RFTN2: variants seen among roughly 807,000 people sequenced by gnomAD.
RFTN2 encodes the protein raftlin family member 2, also known as raftlin-2.
Under a neutral mutation model 52.7 loss-of-function variants are expected in RFTN2, and 34 were observed. That is an observed-to-expected ratio of 0.64 (90% CI 0.49 to 0.86). The LOEUF is 0.86. Ranked by LOEUF, RFTN2 falls within the 40% of genes least tolerant of loss-of-function variation. RFTN2 has a pLI of 0.00. For missense variants in RFTN2, 536 were observed against 600.1 expected (o/e 0.89, Z 1.12); for synonymous variants, 203 against 217.7 (o/e 0.93, Z 0.59).
At chr2:197,582,828 T>C (rs1321161258) in intron 8 of RFTN2, among the ~76,000 whole-genome samples, 1 of 152,104 alleles carries the variant, frequency 6.6e-6, no homozygotes, top group Non-Finnish European at 1.5e-5. Context: ...CATCAAAAGG[T>C]GTCAAATCCC....
At chr2:197,674,494 G>A (rs868379464) in intron 1 of RFTN2, among the ~76,000 whole-genome samples, 4 of 151,636 alleles carry the variant, frequency 2.6e-5, no homozygotes, top group African/African-American at 4.8e-5. Context: ...ACTATAATAA[G>A]AATTTTACTA....
At chr2:197,667,109 TAG>T (rs1574755691) in intron 1 of RFTN2, among the ~76,000 whole-genome samples, 1 of 152,130 alleles carries the variant, frequency 6.6e-6, no homozygotes, top group East Asian at 1.9e-4. Context: ...GCCTCCTGAG[TAG>T]CTGGGATTAC....
chr2:197,620,705 G>A (rs966183840), intron 5 of RFTN2, among the ~76,000 whole-genome samples: 8 of 152,170 alleles, frequency 5.3e-5, no homozygotes, highest in Non-Finnish European at 8.8e-5. Flanking sequence ...AGTGGCTCAC[G>A]CCTGTAATCC....
At chr2:197,592,353 G>A (rs1168172463) in intron 8 of RFTN2, among the ~76,000 whole-genome samples, 6 of 152,100 alleles carry the variant, frequency 3.9e-5, no homozygotes, top group Non-Finnish European at 5.9e-5. Flanking sequence ...GTGCCACCAC[G>A]CCCAGCTAAT....
chr2:197,658,808 G>C lies in RFTN2; in HGVS notation c.140-12142C>G, dbSNP rs562712151. ...CTGTTAAATTGATGCTACATTATTT[G>C]TAAGAGCTTTATATATCTTGCAAGG... On this transcript the variant is annotated intron_variant, in intron 1 of 8. Coordinates refer to ENST00000295049, the MANE Select transcript of RFTN2 (RefSeq NM_144629.3). Among the ~76,000 whole-genome samples, 3 of 152,242 alleles carry C rather than the reference G, an allele frequency of 2.0e-5. No homozygotes were observed. The East Asian group carries it at 5.8e-4, about 29-fold the overall frequency.
chr2:197,654,929 G>A (rs933381409), intron 1 of RFTN2, among the ~76,000 whole-genome samples: 10 of 151,908 alleles, frequency 6.6e-5, no homozygotes, highest in Non-Finnish European at 1.2e-4. Context: ...CTCAGGAGAC[G>A]GAGGTTGCAG....
At chr2:197,610,141 A>G (rs1469501708) in intron 7 of RFTN2, among the ~76,000 whole-genome samples, 1 of 152,146 alleles carries the variant, frequency 6.6e-6, no homozygotes, top group East Asian at 1.9e-4. Context: ...AGTTTTTTCC[A>G]ATTCTGTGAA....
Position 197,596,041 on chromosome 2 carries a change from C to G in RFTN2, c.1183G>C (p.Val395Leu). The G allele has an allele frequency of 6.2e-7, 1 of 1,611,654 alleles. No individual in the cohort carries two copies. The highest frequency in any genetic ancestry group is 8.5e-7 in the Non-Finnish European group (1 of 1,178,172). Residue 395 changes from valine to leucine, a missense_variant, in exon 8 of 9, where the codon GTA becomes CTA. Val to Leu is a conservative substitution (Grantham distance 32, BLOSUM62 1). Coordinates refer to ENST00000295049, the MANE Select transcript of RFTN2 (RefSeq NM_144629.3). ...CACATAACTGGCCTCTGAAGGAATA[C>G]GATCTGCTTTGTAGCCAAATTCCCT... ...SEGNLATKQI[V>L]FLQRPVMWNS...
rs146772417 is a variant in RFTN2 at position 197,577,298 on chromosome 2, G to A, written c.1234-5018C>T. Among the ~76,000 whole-genome samples, 398 of 152,270 alleles carry A rather than the reference G, an allele frequency of 2.6e-3. 5 individuals are homozygous for A. Among genetic ancestry groups the A allele is most frequent in the African/African-American group, 9.2e-3 (384 of 41,552 alleles). Reference sequence around the variant, plus strand: ...TAACTGAGACCTATCTCATATATTCGGGGTTCACAAAGTCTACAGTAGGTC... The same window carrying A: ...TAACTGAGACCTATCTCATATATTCAGGGTTCACAAAGTCTACAGTAGGTC... On this transcript the variant is annotated intron_variant, in intron 8 of 8. Coordinates refer to ENST00000295049, the MANE Select transcript of RFTN2 (RefSeq NM_144629.3).
rs11547463 is a variant in RFTN2 at position 197,572,166 on chromosome 2, A to C, written c.1348T>G (p.Cys450Gly). ...PAESRHLPEECRLSPSRECWT... is the reference protein window; with the variant it reads ...PAESRHLPEEGRLSPSRECWT... ...CATTCCCGGGAGGGAGAAAGGCGGC[A>C]CTCCTCAGGCAGGTGTCTGCTCTCT... Residue 450 changes from cysteine (C) to glycine (G), a missense_variant, in exon 9 of 9, where the codon TGC becomes GGC. Transcript: ENST00000295049. 1.2e-6 allele frequency: 2 copies of C among 1,613,902 alleles called. No homozygotes were observed. Among genetic ancestry groups the C allele is most frequent in the African/African-American group, 2.7e-5 (2 of 74,862 alleles).
At position 197,589,549 on chromosome 2, in the gene RFTN2, A is replaced by G. The variant is rs181597823; in HGVS notation, c.1233+6442T>C. ...TGGTATTGTCAGTATTTTTTATTTT[A>G]ACCATTTTAACAGGTGTATGATATC... On this transcript the variant is annotated intron_variant, in intron 8 of 8. Transcript: ENST00000295049. 2.8e-3 allele frequency among the ~76,000 whole-genome samples: 426 copies of G among 152,278 alleles called. 3 individuals carry two copies. The highest frequency in any genetic ancestry group is 4.0e-3 in the Non-Finnish European group (275 of 68,022).
chr2:197,648,014 A>G (rs2088776966), intron 1 of RFTN2, among the ~76,000 whole-genome samples: 1 of 152,244 alleles, frequency 6.6e-6, no homozygotes, highest in Admixed American at 6.5e-5. Flanking sequence ...CTGCATTTTG[A>G]TTATCTCTTA....
At chr2:197,603,974 G>A (rs920755134) in intron 7 of RFTN2, among the ~76,000 whole-genome samples, 93 of 151,852 alleles carry the variant, frequency 6.1e-4, no homozygotes, top group African/African-American at 2.1e-3. Context: ...TTAAATGTGG[G>A]CAAAAAGACA....
intron 5 of RFTN2, 170 bp from the exon 6 acceptor site, chr2:197,618,091 C>A: frequency 3.0e-6 from 1 of 331,352 alleles, no homozygotes; most frequent in Non-Finnish European, 5.5e-6. Context: ...CCTCTCCCCA[C>A]GGTCTCCCTC....
chr2:197,590,450 G>T (rs562785032), intron 8 of RFTN2, among the ~76,000 whole-genome samples: 5 of 152,168 alleles, frequency 3.3e-5, no homozygotes, highest in African/African-American at 1.2e-4. Flanking sequence ...CATAACTTCC[G>T]AAGAAAAAAA....
At chr2:197,644,125 A>G (rs769322920) in intron 3 of RFTN2, 33 bp downstream of exon 3, 1 of 1,156,968 alleles carries the variant, frequency 8.6e-7, no homozygotes, top group Non-Finnish European at 1.3e-6. Context: ...AATGTTTGTC[A>G]ATATCCCATG....
chr2:197,650,614 T>C (rs1472021958), intron 1 of RFTN2, among the ~76,000 whole-genome samples: 1 of 152,208 alleles, frequency 6.6e-6, no homozygotes, highest in East Asian at 1.9e-4. Context: ...CGCTGTAGCA[T>C]GTTACAAGAT....
chr2:197,659,022 A>AT (rs1236453180), intron 1 of RFTN2, among the ~76,000 whole-genome samples: 2 of 152,168 alleles, frequency 1.3e-5, no homozygotes, highest in Non-Finnish European at 2.9e-5. Context: ...CAAAGATCAA[A>AT]TTTTTAAAAA....
chr2:197,656,236 T>C (rs1559365962), intron 1 of RFTN2, among the ~76,000 whole-genome samples: 2 of 152,178 alleles, frequency 1.3e-5, no homozygotes, highest in Non-Finnish European at 2.9e-5. Context: ...TTAATCTTGG[T>C]TCCTAGAGAG....
Sources: gnomAD v4.1 joint callset for allele counts (sites outside exome capture counted in the v4.1 genomes callset) on GRCh38, gnomAD v4.1.1 for gene constraint, MANE v1.5 for transcripts, NCBI Gene and HGNC (gene_info 2026-07-23, HGNC 2026-07-21) for gene names.